NAALAD2: variants seen among roughly 807,000 people sequenced by gnomAD.
The protein encoded by NAALAD2 is N-acetylated alpha-linked acidic dipeptidase 2.
Under a neutral mutation model 95.6 loss-of-function variants are expected in NAALAD2, and 89 were observed. The observed-to-expected ratio is 0.93, with a 90% CI of 0.78 to 1.11. NAALAD2 has a LOEUF of 1.11. Ranked by LOEUF, NAALAD2 falls within the 50% of genes least tolerant of loss-of-function variation. The pLI is 0.00. For synonymous variants in NAALAD2, 264 were observed against 294.4 expected, an observed-to-expected ratio of 0.90 and a Z score of 1.06; for missense variants, 894 against 872.4, an observed-to-expected ratio of 1.02 and a Z score of -0.31.
intron 4 of NAALAD2, 61 bp from the exon 5 acceptor site, chr11:90,150,421 T>A: frequency 1.7e-6 from 2 of 1,181,578 alleles, no homozygotes; most frequent in Non-Finnish European, 2.3e-6. Context: ...AGCAAACTTA[T>A]TTTTTGTTTT....
At chr11:90,145,646 G>T (rs866563238) in intron 2 of NAALAD2, among the ~76,000 whole-genome samples, 1 of 152,160 alleles carries the variant, frequency 6.6e-6, no homozygotes. Flanking sequence ...TCTTCTGAGA[G>T]AAGATGATGC....
At chr11:90,161,857 C>T (rs12576133) in intron 8 of NAALAD2, among the ~76,000 whole-genome samples, 6,630 of 151,230 alleles carry the variant, frequency 0.044, 181 homozygotes, top group Middle Eastern at 0.11. Context: ...AACAATATTT[C>T]TGCTTTTCTG....
intron 6 of NAALAD2, among the ~76,000 whole-genome samples, chr11:90,156,869 A>G (rs879521598): frequency 3.3e-5 from 5 of 152,018 alleles, no homozygotes; most frequent in Non-Finnish European, 5.9e-5. Flanking sequence ...ACTTTGACCC[A>G]TGGTTTATTT....
At chr11:90,152,774 CA>C (rs1371119996) in intron 6 of NAALAD2, among the ~76,000 whole-genome samples, 2 of 151,956 alleles carry the variant, frequency 1.3e-5, no homozygotes, top group African/African-American at 4.8e-5. Context: ...CTCCTTTTAA[CA>C]AATGACAATT....
chr11:90,175,871 A>G (rs1673216386), intron 14 of NAALAD2, 101 bp from the exon 15 acceptor site: 1 of 617,912 alleles, frequency 1.6e-6, no homozygotes, highest in African/African-American at 1.8e-5. Flanking sequence ...ATTCCTTGCT[A>G]TTCTTGGGGC....
intron 18 of NAALAD2, among the ~76,000 whole-genome samples, chr11:90,190,603 T>A (rs890964278): frequency 6.6e-6 from 1 of 152,174 alleles, no homozygotes; most frequent in Non-Finnish European, 1.5e-5. Flanking sequence ...CATCTCTAAT[T>A]TCTTGACTCA....
chr11:90,190,665 T>C (rs146638454), intron 18 of NAALAD2, among the ~76,000 whole-genome samples: 1 of 152,224 alleles, frequency 6.6e-6, no homozygotes, highest in South Asian at 2.1e-4. Flanking sequence ...ATAAACTGAT[T>C]TTAATTTTAA....
chr11:90,146,640 C>T (rs920389657), intron 2 of NAALAD2, among the ~76,000 whole-genome samples: 1 of 152,018 alleles, frequency 6.6e-6, no homozygotes, highest in African/African-American at 2.4e-5. Context: ...GCTGGGATTA[C>T]AGGTGTGAGC....
chr11:90,174,199 C>T (rs112167107), intron 14 of NAALAD2, among the ~76,000 whole-genome samples: 2,707 of 152,064 alleles, frequency 0.018, 71 homozygotes, highest in African/African-American at 0.062. Context: ...GTCATGGTAG[C>T]GGGCACTTGT....
rs2134866480 is a variant in NAALAD2 at position 90,150,478 on chromosome 11, A to G, written c.484-4A>G. 2.5e-6 allele frequency: 4 copies of G among 1,588,840 alleles called. No individual in the cohort carries two copies. Among genetic ancestry groups the G allele is most frequent in the East Asian group, 2.2e-5 (1 of 44,478 alleles). ...GTATTATATATATTTTCTTTTCCCT[A>G]TAGGGAGATCTTGTATATGTGAACT... On this transcript the variant is annotated splice_region_variant and splice_polypyrimidine_tract_variant and intron_variant, in intron 4 of 18. Transcript: ENST00000534061.
At chr11:90,175,926 T>TTGTG (rs763929585) in intron 14 of NAALAD2, 46 bp from the exon 15 acceptor site, 67 of 621,390 alleles carry the variant, frequency 1.1e-4, no homozygotes, top group South Asian at 7.2e-4. Flanking sequence ...ATTTACTTGT[T>TTGTG]TATGTGTGTG....
At chr11:90,191,336 G>T (rs1857319364) in intron 18 of NAALAD2, among the ~76,000 whole-genome samples, 1 of 149,922 alleles carries the variant, frequency 6.7e-6, no homozygotes, top group Non-Finnish European at 1.5e-5. Context: ...CTTTGGGTTC[G>T]CAACATGGTA....
At position 90,191,646 on chromosome 11, in the gene NAALAD2, A is replaced by C; in HGVS notation, c.2122A>C (p.Lys708Gln). The stretch of plus-strand genomic sequence containing the variant: ...TGATGCTATCTTTGATATTGAAAAT[A>C]AAGCCAACTCTCGTTTGGCCTGGAA... The part of the protein sequence containing the change: ...IYDAIFDIEN[K>Q]ANSRLAWKEV... The change falls in exon 19 of 19, where the codon AAA (lysine) becomes CAA (glutamine). Residue 708 changes from lysine (K) to glutamine (Q), a missense_variant. Lys to Gln is a moderately conservative substitution (Grantham distance 53). Coordinates refer to ENST00000534061, the MANE Select transcript of NAALAD2 (RefSeq NM_005467.4). The C allele has an allele frequency of 6.2e-7, 1 of 1,607,890 alleles. No individual in the cohort carries two copies. Among genetic ancestry groups the C allele is most frequent in the Non-Finnish European group, 8.5e-7 (1 of 1,177,130 alleles).
At chr11:90,171,618 A>C (rs1040311238) in intron 13 of NAALAD2, among the ~76,000 whole-genome samples, 7 of 152,158 alleles carry the variant, frequency 4.6e-5, no homozygotes, top group Non-Finnish European at 1.0e-4. Context: ...TACAAAGATA[A>C]ATTCTTATCT....
chr11:90,163,654 G>A, intron 11 of NAALAD2, 37 bp downstream of exon 11: 2 of 1,579,908 alleles, frequency 1.3e-6, no homozygotes, highest in East Asian at 2.2e-5. Flanking sequence ...TATTTTTTTG[G>A]TCAACAGGGA....
chr11:90,153,078 G>C (rs1590974131), intron 6 of NAALAD2, among the ~76,000 whole-genome samples: 1 of 152,026 alleles, frequency 6.6e-6, no homozygotes, highest in East Asian at 1.9e-4. Flanking sequence ...TCTGCTGTCA[G>C]CATGATTATT....
At chr11:90,180,870 C>A (rs144575225) in intron 16 of NAALAD2, among the ~76,000 whole-genome samples, 1 of 151,944 alleles carries the variant, frequency 6.6e-6, no homozygotes, top group Non-Finnish European at 1.5e-5. Flanking sequence ...GTGCTCTGAG[C>A]ACTACATTGA....
chr11:90,144,312 A>AT (rs1342288376), intron 2 of NAALAD2, among the ~76,000 whole-genome samples: 1 of 152,218 alleles, frequency 6.6e-6, no homozygotes, highest in African/African-American at 2.4e-5. Context: ...TTTAAAGAAG[A>AT]TAAAAGAGAT....
At chr11:90,144,384 T>C (rs1051403988) in intron 2 of NAALAD2, among the ~76,000 whole-genome samples, 1 of 152,104 alleles carries the variant, frequency 6.6e-6, no homozygotes, top group East Asian at 1.9e-4. Context: ...CCATGAGCTA[T>C]ATGGGATCAT....
Sources: allele counts gnomAD v4.1 joint callset (sites outside exome capture counted in the v4.1 genomes callset), GRCh38; gene constraint gnomAD v4.1.1; transcripts MANE v1.5; gene names NCBI Gene and HGNC (gene_info 2026-07-23, HGNC 2026-07-21).